The following WDR88 variants were observed in gnomAD, a reference collection of about 807,000 sequenced individuals.
WDR88 encodes the protein WD repeat-containing protein 88.
WDR88 carries 40 observed loss-of-function variants against 46.8 expected under a neutral mutation model. The observed-to-expected ratio is 0.86, with a 90% CI of 0.66 to 1.11. The LOEUF is 1.11. WDR88 is among the 50% of genes most tolerant of loss of function. The pLI, the probability that WDR88 is intolerant of heterozygous loss-of-function variation, is 0.00. For synonymous variants in WDR88, 235 were observed against 240.7 expected (o/e 0.98, Z 0.22); for missense variants, 562 against 602.4 (o/e 0.93, Z 0.70).
intron 5 of WDR88, among the ~76,000 whole-genome samples, chr19:33,150,431 A>T (rs916118934): frequency 6.6e-6 from 1 of 152,266 alleles, no homozygotes; most frequent in Non-Finnish European, 1.5e-5. Context: ...CCCAGGTGAC[A>T]GAATGAGGCC....
chr19:33,137,744 C>A lies in WDR88; in HGVS notation c.344C>A (p.Thr115Lys). Reference protein sequence around the residue: ...VSTCHFCVDDTKLLSGSYDCT... With the variant: ...VSTCHFCVDDKKLLSGSYDCT... ...ACCTGCCACTTCTGTGTGGATGACA[C>A]AAAGCTCCTCAGTGGCTCCTATGAC... The change falls in exon 2 of 11, where the codon ACA becomes AAA. Residue 115 changes from threonine to lysine, a missense_variant. Thr to Lys is a moderately conservative substitution (Grantham distance 78, BLOSUM62 -1). Coordinates refer to ENST00000355868, the MANE Select transcript of WDR88 (RefSeq NM_173479.4). 1 of 1,613,884 alleles carries A rather than the reference C, an allele frequency of 6.2e-7. No homozygotes were observed. Among genetic ancestry groups the A allele is most frequent in the Admixed American group, 1.7e-5 (1 of 59,998 alleles).
chr19:33,159,381 A>ACT (rs1409201683), intron 7 of WDR88, among the ~76,000 whole-genome samples: 51 of 151,490 alleles, frequency 3.4e-4, no homozygotes, highest in Non-Finnish European at 6.9e-4. Flanking sequence ...TAAATAAATA[A>ACT]ATAACAAATA....
At chr19:33,165,061 A>C (rs1420507530) in intron 9 of WDR88, among the ~76,000 whole-genome samples, 1 of 151,994 alleles carries the variant, frequency 6.6e-6, no homozygotes, top group East Asian at 1.9e-4. Context: ...CACAGTTCAC[A>C]ATAGCCTTCG....
chr19:33,156,742 G>T (rs553032045), intron 7 of WDR88, among the ~76,000 whole-genome samples, 200 bp downstream of exon 7: 1 of 152,134 alleles, frequency 6.6e-6, no homozygotes, highest in Non-Finnish European at 1.5e-5. Context: ...TCAATGTGGC[G>T]TATGCAACCA....
intron 3 of WDR88, 67 bp downstream of exon 3, chr19:33,144,999 C>T: frequency 6.9e-7 from 1 of 1,452,860 alleles, no homozygotes; most frequent in Non-Finnish European, 9.5e-7. Context: ...ATAGGTATGC[C>T]TGTGACATTT....
chr19:33,146,486 TCCTTCCTTCC>T (rs1423896558), intron 3 of WDR88, among the ~76,000 whole-genome samples: 2 of 74,760 alleles, frequency 2.7e-5, no homozygotes, highest in Admixed American at 2.1e-4. Flanking sequence ...CTTCCTTCCT[TCCTTCCTTCC>T]CCTTCCTTCC....
chr19:33,169,410 C>T (rs113099701), intron 9 of WDR88, among the ~76,000 whole-genome samples: 1,899 of 152,116 alleles, frequency 0.012, 43 homozygotes, highest in African/African-American at 0.043. Flanking sequence ...ACAAACAACC[C>T]ATTTCAAGGA....
chr19:33,151,081 T>C, intron 5 of WDR88, 100 bp from the exon 6 acceptor site: 3 of 1,365,748 alleles, frequency 2.2e-6, no homozygotes, highest in Non-Finnish European at 3.0e-6. Flanking sequence ...AAAACTGGAA[T>C]TGTGTTTTGT....
At chr19:33,168,174 T>C (rs190504044) in intron 9 of WDR88, among the ~76,000 whole-genome samples, 18 of 152,086 alleles carry the variant, frequency 1.2e-4, no homozygotes, top group African/African-American at 4.3e-4. Context: ...ATTACAGGCA[T>C]GTGCCACCAT....
At chr19:33,153,992 G>T (rs1224764969) in intron 6 of WDR88, among the ~76,000 whole-genome samples, 1 of 151,852 alleles carries the variant, frequency 6.6e-6, no homozygotes, top group Non-Finnish European at 1.5e-5. Context: ...TATATATTTT[G>T]CCAAATTTGG....
intron 5 of WDR88, among the ~76,000 whole-genome samples, chr19:33,150,585 C>T (rs907943624): frequency 8.5e-5 from 13 of 152,248 alleles, no homozygotes; most frequent in South Asian, 6.2e-4. Context: ...TATGCCTGTG[C>T]GTACAAGTGT....
At chr19:33,133,214 A>AG (rs1568355906) in intron 1 of WDR88, among the ~76,000 whole-genome samples, 149 of 126,776 alleles carry the variant, frequency 1.2e-3, no homozygotes, top group African/African-American at 4.4e-3. Context: ...GAGAGAGAGA[A>AG]AGAAAGAAAG....
chr19:33,158,880 G>C (rs1267263504), intron 7 of WDR88, among the ~76,000 whole-genome samples: 1 of 151,938 alleles, frequency 6.6e-6, no homozygotes, highest in Non-Finnish European at 1.5e-5. Context: ...TTGTATTTTT[G>C]GTAGAGATGG....
chr19:33,133,557 C>G (rs1973184359), intron 1 of WDR88, among the ~76,000 whole-genome samples: 1 of 152,174 alleles, frequency 6.6e-6, no homozygotes, highest in Non-Finnish European at 1.5e-5. Flanking sequence ...AGAACATTCT[C>G]AATAAGTAGC....
chr19:33,160,810 G>C (rs372977476), intron 8 of WDR88, among the ~76,000 whole-genome samples: 2 of 152,184 alleles, frequency 1.3e-5, no homozygotes, highest in African/African-American at 4.8e-5. Context: ...TGAAGAAGAA[G>C]GGCAGTCCAG....
rs892717624 is a variant in WDR88 at position 33,146,358 on chromosome 19, A to G, written c.477-1287A>G. On this transcript the variant is annotated intron_variant, in intron 3 of 10. Coordinates refer to ENST00000355868, the MANE Select transcript of WDR88 (RefSeq NM_173479.4). The stretch of plus-strand genomic sequence containing the variant: ...AAATGCTACTTTGAAAGCCCTTGAT[A>G]TAAAGGAGCATGTGTGGGTGGCTGA... Among the ~76,000 whole-genome samples the G allele has an allele frequency of 4.1e-4, 63 of 152,164 alleles. 1 individual carries two copies. The highest frequency in any genetic ancestry group is 1.9e-4 in the Non-Finnish European group (13 of 68,022).
chr19:33,144,949 C>T lies in WDR88; in HGVS notation c.476+17C>T, dbSNP rs781716768. 7 of 1,608,052 alleles carry T rather than the reference C, an allele frequency of 4.4e-6. No homozygotes were observed. Among genetic ancestry groups the T allele is most frequent in the South Asian group, 3.3e-5 (3 of 90,238 alleles). ...CAGCAGCAGGTGACCTTTCCCTCGT[C>T]TTACACTGGGAAGAGGGAGGGTGAG... On this transcript the variant is annotated intron_variant, in intron 3 of 10. Transcript: ENST00000355868.
rs71176202 is a variant in WDR88 at position 33,159,335 on chromosome 19, A to AAAATAAAT, written c.998-1036_998-1029dup. ...GTGACAGAGCAAGACCTTATCTCTA[A>AAAATAAAT]AAATAAATAAATAAATAAATAAATA... On this transcript the variant is annotated intron_variant, in intron 7 of 10. Coordinates refer to ENST00000355868, the MANE Select transcript of WDR88 (RefSeq NM_173479.4). Among the ~76,000 whole-genome samples, 126 of 142,768 alleles carry AAAATAAAT rather than the reference A, an allele frequency of 8.8e-4. 1 individual carries two copies. Among genetic ancestry groups the AAAATAAAT allele is most frequent in the East Asian group, 1.2e-3 (6 of 4,848 alleles). 93.7% of individuals were successfully genotyped at this position (142,768 alleles called of 152,430 possible).
chr19:33,148,977 G>A (rs527480359), intron 5 of WDR88, 67 bp downstream of exon 5: 33 of 1,599,824 alleles, frequency 2.1e-5, no homozygotes, highest in East Asian at 1.6e-4. Flanking sequence ...ACTGACTGAC[G>A]GTGACCTTCC....
Sources: allele counts gnomAD v4.1 joint callset (sites outside exome capture counted in the v4.1 genomes callset), GRCh38; gene constraint gnomAD v4.1.1; transcripts MANE v1.5; gene names NCBI Gene and HGNC (gene_info 2026-07-23, HGNC 2026-07-21).